Variants in PACRG observed in about 807,000 individuals in gnomAD.
PACRG encodes parkin coregulated gene protein.
A neutral mutation model predicts 29.7 loss-of-function variants in PACRG; 29 were observed. The observed-to-expected ratio is 0.98, with a 90% confidence interval of 0.73 to 1.33. The LOEUF is 1.33. Among genes scored for constraint, PACRG ranks in the 40% most tolerant of loss-of-function variants. PACRG has a pLI of 0.00. For synonymous variants in PACRG, 116 were observed against 118.7 expected, an observed-to-expected ratio of 0.98 and a Z score of 0.15; for missense variants, 279 against 316.2, an observed-to-expected ratio of 0.88 and a Z score of 0.89.
At chr6:163,006,148 T>A (rs1053375583) in intron 2 of PACRG, among the ~76,000 whole-genome samples, 1 of 139,566 alleles carries the variant, frequency 7.2e-6, no homozygotes, top group Admixed American at 7.3e-5. Context: ...TTATTATATA[T>A]AATATATTAT....
At position 162,906,316 on chromosome 6, in the gene PACRG, T is replaced by G. The variant is rs142072368; in HGVS notation, c.291+92035T>G. Among the ~76,000 whole-genome samples, 424 of 152,316 alleles carry G rather than the reference T, an allele frequency of 2.8e-3. 3 individuals are homozygous for G. The highest frequency in any genetic ancestry group is 0.018 in the East Asian group (93 of 5,182). The stretch of plus-strand genomic sequence containing the variant: ...ATCCTCTTCCTCTGAAATAAAATCT[T>G]CTGTAAAGGTAATAGTATTTGTCTC... On this transcript the variant is annotated intron_variant, in intron 2 of 4. Transcript: ENST00000366888.
intron 4 of PACRG, among the ~76,000 whole-genome samples, chr6:163,095,804 T>C (rs539421117): frequency 9.8e-5 from 15 of 152,302 alleles, no homozygotes; most frequent in African/African-American, 3.6e-4. Context: ...TTAACTACTT[T>C]CATTGGCAAT....
At chr6:162,785,592 G>C (rs1241018140) in intron 1 of PACRG, among the ~76,000 whole-genome samples, 2 of 151,646 alleles carry the variant, frequency 1.3e-5, no homozygotes, top group African/African-American at 4.8e-5. Flanking sequence ...TGCGGGGGTT[G>C]GGGGAGGATG....
rs868153525 is a variant in PACRG, at chr6:163,118,137, G to C, written c.613+28729G>C. On this transcript the variant is annotated intron_variant, in intron 4 of 4. Coordinates refer to ENST00000366888, the MANE Select transcript of PACRG (RefSeq NM_001080379.2). ...TGAAAACAGGAATTATTTCCTCAGA[G>C]CACACTGACTGCCAAGGTGTTTATA... Among the ~76,000 whole-genome samples, 8 of 152,210 alleles carry C rather than the reference G, an allele frequency of 5.3e-5. 1 individual carries two copies. Among genetic ancestry groups the C allele is most frequent in the Non-Finnish European group, 7.3e-5 (5 of 68,036 alleles).
intron 2 of PACRG, among the ~76,000 whole-genome samples, chr6:162,960,525 A>T (rs556351371): frequency 6.6e-6 from 1 of 152,192 alleles, no homozygotes; most frequent in Non-Finnish European, 1.5e-5. Context: ...AATACTGCAC[A>T]TTCTCTTTTA....
At chr6:163,021,754 C>T (rs1266596360) in intron 2 of PACRG, among the ~76,000 whole-genome samples, 3 of 152,180 alleles carry the variant, frequency 2.0e-5, no homozygotes, top group Non-Finnish European at 4.4e-5. Context: ...TGCAGTTCCC[C>T]AAGGCCACCA....
intron 4 of PACRG, among the ~76,000 whole-genome samples, chr6:163,262,871 C>G (rs367585042): frequency 6.7e-6 from 1 of 148,406 alleles, no homozygotes; most frequent in East Asian, 2.0e-4. Flanking sequence ...GTGAGACCCC[C>G]CCCCCCATGT....
intron 2 of PACRG, among the ~76,000 whole-genome samples, chr6:162,901,967 A>G (rs1460927143): frequency 3.9e-5 from 6 of 152,234 alleles, no homozygotes; most frequent in Non-Finnish European, 7.3e-5. Context: ...TGGGCATAGT[A>G]AAGAACAATG....
intron 2 of PACRG, among the ~76,000 whole-genome samples, chr6:162,974,212 G>T (rs1801767387): frequency 6.6e-6 from 1 of 152,180 alleles, no homozygotes; most frequent in Non-Finnish European, 1.5e-5. Flanking sequence ...GAGGGCGGCT[G>T]CCACCATATG....
chr6:163,130,773 G>T (rs550413337), intron 4 of PACRG, among the ~76,000 whole-genome samples: 2 of 152,122 alleles, frequency 1.3e-5, no homozygotes, highest in South Asian at 4.1e-4. Context: ...TGCACTTAGC[G>T]GGTCCTTTGC....
At chr6:162,778,998 C>G (rs1783873297) in intron 1 of PACRG, among the ~76,000 whole-genome samples, 1 of 152,160 alleles carries the variant, frequency 6.6e-6, no homozygotes, top group Non-Finnish European at 1.5e-5. Flanking sequence ...AAGTTCAGCA[C>G]CCATTAGCGG....
intron 4 of PACRG, chr6:163,184,722 A>G (rs1308471576): frequency 6.6e-6 from 1 of 152,210 alleles, no homozygotes; most frequent in East Asian, 1.9e-4. Context: ...TGCACGAGAA[A>G]GGTTAGCAAC....
chr6:163,195,046 C>G (rs1310560472), intron 4 of PACRG, among the ~76,000 whole-genome samples: 1 of 152,172 alleles, frequency 6.6e-6, no homozygotes, highest in Non-Finnish European at 1.5e-5. Context: ...TCAACTTGAG[C>G]CTTGATCTGG....
chr6:162,735,596 T>G (rs1272441344), intron 1 of PACRG, among the ~76,000 whole-genome samples: 1 of 152,192 alleles, frequency 6.6e-6, no homozygotes, highest in Non-Finnish European at 1.5e-5. Context: ...TGATTTGGTT[T>G]TTTATTTATT....
intron 2 of PACRG, among the ~76,000 whole-genome samples, chr6:162,947,451 CATATATATAATCATATATA>C (rs1452910303): frequency 3.8e-5 from 1 of 26,474 alleles, no homozygotes; most frequent in East Asian, 5.5e-4. Context: ...TATATATAAT[CATATATATAATCATATATA>C]ATATATATAT....
At chr6:163,259,573 G>A (rs968221259) in intron 4 of PACRG, among the ~76,000 whole-genome samples, 2 of 152,056 alleles carry the variant, frequency 1.3e-5, no homozygotes, top group African/African-American at 2.4e-5. Context: ...TGACCTCTTC[G>A]GCTCCACTGG....
intron 4 of PACRG, among the ~76,000 whole-genome samples, chr6:163,274,859 T>TCC (rs1248619675): frequency 1.0e-4 from 8 of 76,890 alleles, no homozygotes; most frequent in Non-Finnish European, 2.0e-4. Context: ...CTTTCTTTCT[T>TCC]TCTTTTTTTT....
At chr6:163,311,445 A>T (rs1785409982) in intron 4 of PACRG, among the ~76,000 whole-genome samples, 2 of 152,354 alleles carry the variant, frequency 1.3e-5, no homozygotes, top group Admixed American at 6.5e-5. Flanking sequence ...CTATTCTCAC[A>T]AACGTATTTT....
intron 2 of PACRG, among the ~76,000 whole-genome samples, chr6:162,881,935 TCCTCTCCACCAAGACCAGAGATGGGTGG>T: frequency 2.1e-5 from 2 of 95,126 alleles, no homozygotes; most frequent in African/African-American, 4.4e-5. Flanking sequence ...GACCACAGGG[TCCTCTCCACCAAGACCAGAGATGGGTGG>T]GGGGGGGCAC....
Sources: gnomAD v4.1 joint callset for allele counts (sites outside exome capture counted in the v4.1 genomes callset) on GRCh38, gnomAD v4.1.1 for gene constraint, MANE v1.5 for transcripts, NCBI Gene and HGNC (gene_info 2026-07-23, HGNC 2026-07-21) for gene names.